The following ADAMTS19 variants were observed in gnomAD, a reference collection of about 807,000 sequenced individuals.
The protein encoded by ADAMTS19 is ADAM metallopeptidase with thrombospondin type 1 motif 19.
Under a neutral mutation model 153.3 loss-of-function variants are expected in ADAMTS19, and 93 were observed. The ratio of observed to expected loss-of-function variants is 0.61; its 90% CI spans 0.51 to 0.72. The LOEUF (loss-of-function observed/expected upper bound fraction) is 0.72. ADAMTS19 is among the 30% of genes least tolerant of loss of function. The pLI is 0.00. For synonymous variants in ADAMTS19, 600 were observed against 556.6 expected (o/e 1.08, Z -1.10); for missense variants, 1,482 against 1,552.1 (o/e 0.95, Z 0.76).
intron 21 of ADAMTS19, among the ~76,000 whole-genome samples, chr5:129,711,004 G>T (rs1195221874): frequency 6.6e-6 from 1 of 152,098 alleles, no homozygotes; most frequent in African/African-American, 2.4e-5. Context: ...ATTCCAACAT[G>T]CCTATACTGA....
intron 21 of ADAMTS19, among the ~76,000 whole-genome samples, chr5:129,727,653 G>A (rs926733124): frequency 6.6e-6 from 1 of 152,146 alleles, no homozygotes; most frequent in Non-Finnish European, 1.5e-5. Context: ...TAGACAGTTT[G>A]TGAATTTATG....
rs1753135899 is a variant in ADAMTS19, at chr5:129,551,913, T to C, written c.1372+6T>C. On this transcript the variant is annotated splice_donor_region_variant and intron_variant, in intron 7 of 22. Coordinates refer to ENST00000274487, the MANE Select transcript of ADAMTS19 (RefSeq NM_133638.6). ...TGAACCATGTGATACTGTTGGTAAG[T>C]GTGAAAATTCTCACACTTTTGGAGT... The C allele has an allele frequency of 2.6e-6, 4 of 1,561,550 alleles. No homozygotes were observed. The highest frequency in any genetic ancestry group is 3.5e-6 in the Non-Finnish European group (4 of 1,155,498).
At chr5:129,612,278 T>C in intron 8 of ADAMTS19, among the ~76,000 whole-genome samples, 1 of 151,714 alleles carries the variant, frequency 6.6e-6, no homozygotes, top group African/African-American at 2.4e-5. Context: ...TCCAGTTTCA[T>C]CCATGTCCCT....
chr5:129,557,860 A>C (rs1378883921), intron 7 of ADAMTS19, among the ~76,000 whole-genome samples: 1 of 152,144 alleles, frequency 6.6e-6, no homozygotes, highest in South Asian at 2.1e-4. Flanking sequence ...ATATTAGCAG[A>C]TATTATCTTA....
rs756775278 is a variant in ADAMTS19 at position 129,701,606 on chromosome 5, C to T, written c.3159+14C>T. 6.2e-6 allele frequency: 10 copies of T among 1,612,226 alleles called. 1 individual carries two copies. The South Asian group carries it at 1.1e-4, about 18-fold the overall frequency. ...GTGTGGTCTGAGGTGCATACATGCC[C>T]CCTTTCTTTCCCCATTCCTACTCTG... is the stretch of plus-strand genomic sequence containing the variant. On this transcript the variant is annotated intron_variant, in intron 20 of 22. Coordinates refer to ENST00000274487, the MANE Select transcript of ADAMTS19 (RefSeq NM_133638.6).
rs1282554725 is a variant in ADAMTS19, at chr5:129,714,742, G to A, written c.3312+10351G>A. 3.9e-5 allele frequency among the ~76,000 whole-genome samples: 6 copies of A among 152,256 alleles called. No individual in the cohort carries two copies. In the East Asian group the frequency reaches 1.2e-3, roughly 29 times the overall value. On this transcript the variant is annotated intron_variant, in intron 21 of 22. Transcript: ENST00000274487. Reference sequence around the variant, plus strand: ...GTGGAAAAAAATTACAACTCATTTTGAAATGCATACATTCTTTGACTCAGC... The same window carrying A: ...GTGGAAAAAAATTACAACTCATTTTAAAATGCATACATTCTTTGACTCAGC...
chr5:129,583,583 G>A (rs1008514527), intron 7 of ADAMTS19, among the ~76,000 whole-genome samples: 7 of 151,980 alleles, frequency 4.6e-5, no homozygotes, highest in South Asian at 4.2e-4. Context: ...ACATAGTGCC[G>A]TATTTCTTGG....
chr5:129,548,405 A>C (rs1411134652), intron 6 of ADAMTS19, among the ~76,000 whole-genome samples: 1 of 151,950 alleles, frequency 6.6e-6, no homozygotes, highest in Non-Finnish European at 1.5e-5. Flanking sequence ...ACATTTATGC[A>C]GCCAAAAAAC....
chr5:129,528,807 G>A (rs990001790), intron 6 of ADAMTS19, 130 bp downstream of exon 6: 1 of 641,180 alleles, frequency 1.6e-6, no homozygotes, highest in Non-Finnish European at 2.5e-6. Context: ...GCATAATGAT[G>A]TTAGTCATCT....
intron 8 of ADAMTS19, among the ~76,000 whole-genome samples, chr5:129,603,228 TAA>T: frequency 6.6e-6 from 1 of 152,336 alleles, no homozygotes; most frequent in Middle Eastern, 3.4e-3. Flanking sequence ...CTGTTCAGTC[TAA>T]GTCAGTGTTG....
intron 10 of ADAMTS19, among the ~76,000 whole-genome samples, chr5:129,630,769 ACT>A (rs1004357429): frequency 5.9e-5 from 9 of 152,028 alleles, no homozygotes; most frequent in African/African-American, 2.2e-4. Context: ...TCTTAGGAAA[ACT>A]CTGTTAAGAC....
chr5:129,461,773 C>T lies in ADAMTS19; in HGVS notation c.747+16C>T, dbSNP rs779639668. The T allele has an allele frequency of 7.4e-6, 11 of 1,476,978 alleles. No individual in the cohort carries two copies. The highest frequency in any genetic ancestry group is 1.5e-5 in the African/African-American group (1 of 68,938). 91.5% of individuals were successfully genotyped at this position (1,476,978 alleles called of 1,614,324 possible). A position where few individuals can be genotyped will look rare whatever the true frequency, so the allele number is the denominator to read the frequency against. On this transcript the variant is annotated intron_variant, in intron 2 of 22. Transcript: ENST00000274487. This position sits in a 1 kb window ranked among gnomAD's most constrained non-coding sequence, Gnocchi z 4.6. ...AGGTGGCCTGGTAAGCGCCTTCTTTCCCTAGCTCTCCATTTTCCCCTGCTG... is the reference window on the plus strand; with the variant it reads ...AGGTGGCCTGGTAAGCGCCTTCTTTTCCTAGCTCTCCATTTTCCCCTGCTG...
At chr5:129,620,410 T>C (rs1209954003) in intron 8 of ADAMTS19, among the ~76,000 whole-genome samples, 5 of 152,086 alleles carry the variant, frequency 3.3e-5, no homozygotes, top group Non-Finnish European at 7.4e-5. Context: ...TTTTATTAAA[T>C]AAAAATATTT....
intron 6 of ADAMTS19, among the ~76,000 whole-genome samples, chr5:129,534,600 G>A (rs1352185713): frequency 6.6e-6 from 1 of 152,068 alleles, no homozygotes; most frequent in East Asian, 1.9e-4. Flanking sequence ...TGATACCAAA[G>A]CCTGGCAGAG....
At chr5:129,718,486 G>A (rs543418550) in intron 21 of ADAMTS19, among the ~76,000 whole-genome samples, 1 of 152,224 alleles carries the variant, frequency 6.6e-6, no homozygotes, top group South Asian at 2.1e-4. Flanking sequence ...AAAAGACACT[G>A]AAACACAGAC....
Position 129,634,527 on chromosome 5 carries a change from A to G in ADAMTS19, c.1771-7332A>G, listed in dbSNP as rs561386886. On this transcript the variant is annotated intron_variant, in intron 10 of 22. Coordinates refer to ENST00000274487, the MANE Select transcript of ADAMTS19 (RefSeq NM_133638.6). ...GAGGCATGATGTTACCTGACTTCAA[A>G]CTATACTCCAGGGCTACAGTACTAA... Among the ~76,000 whole-genome samples, 3 of 152,288 alleles carry G rather than the reference A, an allele frequency of 2.0e-5. No individual in the cohort carries two copies. The South Asian group carries it at 6.2e-4, about 32-fold the overall frequency.
At chr5:129,732,906 T>C (rs984091409) in intron 21 of ADAMTS19, among the ~76,000 whole-genome samples, 4 of 151,906 alleles carry the variant, frequency 2.6e-5, no homozygotes, top group African/African-American at 9.7e-5. Context: ...TACCTGACTT[T>C]ATGCTACAAG....
chr5:129,629,088 T>C (rs72790702), intron 10 of ADAMTS19, among the ~76,000 whole-genome samples: 7,579 of 152,176 alleles, frequency 0.05, 263 homozygotes, highest in African/African-American at 0.1. Flanking sequence ...ATCTCCTATA[T>C]GGTAAGCTCC....
At chr5:129,545,152 TA>T (rs755994687) in intron 6 of ADAMTS19, among the ~76,000 whole-genome samples, 105 of 151,928 alleles carry the variant, frequency 6.9e-4, no homozygotes, top group African/African-American at 2.4e-3. Flanking sequence ...TCCACCTAAT[TA>T]AAAAAAATAA....
Sources: gnomAD v4.1 joint callset for allele counts (sites outside exome capture counted in the v4.1 genomes callset) on GRCh38, gnomAD v4.1.1 for gene constraint, Gnocchi (gnomAD v3.1) non-coding constraint, MANE v1.5 for transcripts, NCBI Gene and HGNC (gene_info 2026-07-23, HGNC 2026-07-21) for gene names.